RGS2: variants seen among roughly 807,000 people sequenced by gnomAD.
The protein encoded by RGS2 is G0 to G1 switch regulatory 8, 24kD.
In RGS2, 20 loss-of-function variants were observed where a neutral mutation model predicts 26.6. The ratio of observed to expected loss-of-function variants is 0.75; its 90% CI spans 0.53 to 1.09. The LOEUF is 1.09. Ranked by LOEUF, RGS2 falls within the 50% of genes least tolerant of loss-of-function variation. The probability of loss-of-function intolerance (pLI) is 0.00; values close to 1 mark genes in which losing one functional copy is unlikely to be tolerated. For synonymous variants in RGS2, 97 were observed against 79.9 expected, an observed-to-expected ratio of 1.21 and a Z score of -1.14; for missense variants, 246 against 245.5, an observed-to-expected ratio of 1.00 and a Z score of -0.01.
chr1:192,810,303 G>A, intron 2 of RGS2, 36 bp downstream of exon 2: 1 of 1,604,620 alleles, frequency 6.2e-7, no homozygotes, highest in African/African-American at 1.3e-5. Context: ...AATATCAATA[G>A]TTAGCTGCTG....
At position 192,811,382 on chromosome 1, in the gene RGS2, A is replaced by G. The variant is rs758534414; in HGVS notation, c.442-20A>G. ...TTTAACTCTGAATACCAAATAAACA[A>G]CTTTTTTGTTTTATTTCAGATAAAC... is the stretch of plus-strand genomic sequence containing the variant. On this transcript the variant is annotated intron_variant, in intron 4 of 4. Transcript: ENST00000235382. 1.3e-6 allele frequency: 2 copies of G among 1,588,068 alleles called. No individual in the cohort carries two copies. Among genetic ancestry groups the G allele is most frequent in the Non-Finnish European group, 1.7e-6 (2 of 1,158,584 alleles).
At chr1:192,809,242 CG>C (rs1350551339) in intron 1 of RGS2, 61 bp downstream of exon 1, 1 of 1,207,844 alleles carries the variant, frequency 8.3e-7, no homozygotes, top group Non-Finnish European at 1.2e-6. Context: ...GCTGCAAACG[CG>C]GTACTTTCGG....
At position 192,811,383 on chromosome 1, in the gene RGS2, CT is replaced by C; in HGVS notation, c.442-13del. The C allele has an allele frequency of 6.3e-7, 1 of 1,590,146 alleles. No individual in the cohort carries two copies. Among genetic ancestry groups the C allele is most frequent in the Non-Finnish European group, 8.6e-7 (1 of 1,160,444 alleles). On this transcript the variant is annotated intron_variant, in intron 4 of 4. Transcript: ENST00000235382. ...TTAACTCTGAATACCAAATAAACAA[CT>C]TTTTTGTTTTATTTCAGATAAACAT... is the stretch of plus-strand genomic sequence containing the variant.
chr1:192,811,676 G>T lies in RGS2; in HGVS notation c.*80G>T. On this transcript the variant is annotated 3_prime_UTR_variant, in exon 5 of 5. Transcript: ENST00000235382. The stretch of plus-strand genomic sequence containing the variant: ...AGGACTGTGACCTGCCATAAAGACT[G>T]ACCTTGAATTCAGCCTGGGTGTTCA... 1 of 1,346,442 alleles carries T rather than the reference G, an allele frequency of 7.4e-7. No individual in the cohort carries two copies. The highest frequency in any genetic ancestry group is 1.2e-5 in the South Asian group (1 of 85,302). 83.4% of individuals were successfully genotyped at this position (1,346,442 alleles called of 1,614,324 possible). A position where few individuals can be genotyped will look rare whatever the true frequency, so the allele number is the denominator to read the frequency against.
chr1:192,810,910 G>C (rs1484454560), intron 3 of RGS2, 71 bp from the exon 4 acceptor site: 1 of 1,398,292 alleles, frequency 7.2e-7, no homozygotes, highest in African/African-American at 1.4e-5. Flanking sequence ...TGAGGGATAG[G>C]AGAAACATAA....
rs775439827 is a variant in RGS2 at position 192,810,238 on chromosome 1, C to CA, written c.190dup (p.Ser64LysfsTer12). On this transcript the variant is annotated frameshift_variant, in exon 2 of 5. Transcript: ENST00000235382. LOFTEE classifies it high-confidence loss of function. ...CTACTCCTGGGAAGCCCAAAACCGG[C>CA]AAAAAAAGCAAACAGCAAGCTTTCA... 4.2e-5 allele frequency: 67 copies of CA among 1,613,552 alleles called. No homozygotes were observed. The highest frequency in any genetic ancestry group is 6.7e-5 in the East Asian group (3 of 44,898).
intron 4 of RGS2, 127 bp downstream of exon 4, chr1:192,811,274 T>C (rs1271410062): frequency 5.3e-6 from 7 of 1,322,842 alleles, no homozygotes; most frequent in African/African-American, 2.9e-5. Flanking sequence ...CTTTCAGTTA[T>C]GTTAAAGTTC....
At chr1:192,809,219 C>T (rs377647978) in intron 1 of RGS2, 38 bp downstream of exon 1, 2 of 1,392,036 alleles carry the variant, frequency 1.4e-6, no homozygotes, top group Non-Finnish European at 2.0e-6. Flanking sequence ...CCACCCCCTG[C>T]CCCACACTGC....
rs1665594773 is a variant in RGS2 at position 192,811,645 on chromosome 1, A to AG, written c.*53dup. On this transcript the variant is annotated 3_prime_UTR_variant, in exon 5 of 5. Transcript: ENST00000235382. ...GGAGGACATTTCATTCTTTTTCCTG[A>AG]GGGGAAGGACTGTGACCTGCCATAA... is the stretch of plus-strand genomic sequence containing the variant. The AG allele has an allele frequency of 6.4e-7, 1 of 1,560,246 alleles. No individual in the cohort carries two copies. Among genetic ancestry groups the AG allele is most frequent in the African/African-American group, 1.4e-5 (1 of 73,826 alleles).
chr1:192,810,886 A>G (rs45577832), intron 3 of RGS2, 95 bp from the exon 4 acceptor site: 15 of 1,327,126 alleles, frequency 1.1e-5, no homozygotes, highest in Non-Finnish European at 1.4e-5. Flanking sequence ...ATTCATTTAG[A>G]AATAATTAAA....
chr1:192,811,680 T>A lies in RGS2; in HGVS notation c.*84T>A. On this transcript the variant is annotated 3_prime_UTR_variant, in exon 5 of 5. Coordinates refer to ENST00000235382, the MANE Select transcript of RGS2 (RefSeq NM_002923.4). ...CTGTGACCTGCCATAAAGACTGACC[T>A]TGAATTCAGCCTGGGTGTTCAGGAA... is the stretch of plus-strand genomic sequence containing the variant. 1 of 1,305,856 alleles carries A rather than the reference T, an allele frequency of 7.7e-7. No homozygotes were observed. Among genetic ancestry groups the A allele is most frequent in the Non-Finnish European group, 1.1e-6 (1 of 899,344 alleles). The allele number at this position is 1,305,856 out of a possible 1,614,324, so 80.9% of individuals were successfully genotyped here.
Position 192,811,602 on chromosome 1 carries a change from A to G in RGS2, c.*6A>G, listed in dbSNP as rs763371548. 1.2e-6 allele frequency: 2 copies of G among 1,612,778 alleles called. No individual in the cohort carries two copies. The highest frequency in any genetic ancestry group is 2.2e-5 in the South Asian group (2 of 91,028). On this transcript the variant is annotated 3_prime_UTR_variant, in exon 5 of 5. Coordinates refer to ENST00000235382, the MANE Select transcript of RGS2 (RefSeq NM_002923.4). ...CAGAGCCTCATGCTACATGAAATGTAAAAGGGAGCCCAGAAATGGAGGACA... is the reference window on the plus strand; with the variant it reads ...CAGAGCCTCATGCTACATGAAATGTGAAAGGGAGCCCAGAAATGGAGGACA...
chr1:192,810,393 T>G lies in RGS2; in HGVS notation c.236T>G (p.Leu79Arg), dbSNP rs756711570. ...FIKPSPEEAQ[L>R]WSEAFDELLA... ...AGGCCTTCTCCTGAGGAAGCACAGC[T>G]GTGGTCAGAAGCATTTGACGAGCTG... The change falls in exon 3 of 5, where the codon CTG (leucine) becomes CGG (arginine). Residue 79 changes from leucine (L) to arginine (R), a missense_variant. By Grantham distance (102) the Leu-to-Arg change is moderately radical (BLOSUM62 -2). Transcript: ENST00000235382. The G allele has an allele frequency of 1.9e-6, 3 of 1,614,222 alleles. No homozygotes were observed. Among genetic ancestry groups the G allele is most frequent in the Non-Finnish European group, 2.5e-6 (3 of 1,180,046 alleles).
Position 192,810,971 on chromosome 1 carries a change from C to T in RGS2, c.275-10C>T, listed in dbSNP as rs1300615732. ...CACATTCTGCATGCTCTCTTTTCTCCCCCCTTCAGATGGTCTTGCTGCATT... is the reference window on the plus strand; with the variant it reads ...CACATTCTGCATGCTCTCTTTTCTCTCCCCTTCAGATGGTCTTGCTGCATT... On this transcript the variant is annotated splice_polypyrimidine_tract_variant and intron_variant, in intron 3 of 4. Coordinates refer to ENST00000235382, the MANE Select transcript of RGS2 (RefSeq NM_002923.4). 5 of 1,613,188 alleles carry T rather than the reference C, an allele frequency of 3.1e-6. No homozygotes were observed. Among genetic ancestry groups the T allele is most frequent in the Admixed American group, 3.3e-5 (2 of 59,990 alleles).
chr1:192,810,129 G>C lies in RGS2; in HGVS notation c.111-37G>C, dbSNP rs202013918. The C allele has an allele frequency of 3.1e-6, 4 of 1,287,650 alleles. No individual in the cohort carries two copies. In the East Asian group the frequency reaches 9.3e-5, roughly 30 times the overall value. 79.8% of individuals were successfully genotyped at this position (1,287,650 alleles called of 1,614,324 possible). A position where few individuals can be genotyped will look rare whatever the true frequency, so the allele number is the denominator to read the frequency against. Reference sequence around the variant, plus strand: ...AGCTGCAGTAGCATATTCAAGTGTTGCTAGTTAGTAATTATCTTTTTAATT... The same window carrying C: ...AGCTGCAGTAGCATATTCAAGTGTTCCTAGTTAGTAATTATCTTTTTAATT... On this transcript the variant is annotated intron_variant, in intron 1 of 4. Coordinates refer to ENST00000235382, the MANE Select transcript of RGS2 (RefSeq NM_002923.4).
intron 3 of RGS2, 21 bp downstream of exon 3, chr1:192,810,452 G>C: frequency 6.2e-7 from 1 of 1,611,426 alleles, no homozygotes. Context: ...TCTTGAGCTT[G>C]AGCCATTGCT....
intron 1 of RGS2, 100 bp downstream of exon 1, chr1:192,809,281 C>A: frequency 2.3e-6 from 2 of 870,128 alleles, no homozygotes; most frequent in Admixed American, 3.6e-5. Flanking sequence ...GGAAACTAGC[C>A]TGAGCCTATG....
chr1:192,811,411 G>A lies in RGS2; in HGVS notation c.451G>A (p.Asp151Asn). Residue 151 changes from aspartate to asparagine, a missense_variant, in exon 5 of 5, where the codon GAT (aspartate) becomes AAT (asparagine). By Grantham distance (23) the Asp-to-Asn change is conservative. Transcript: ENST00000235382. ...TTTTGTTTTATTTCAGATAAACATA[G>A]ATTTTCAAACCAAAACTCTGATTGC... Reference protein sequence around the residue: ...EKEAPKEINIDFQTKTLIAQN... With the variant: ...EKEAPKEININFQTKTLIAQN... 6.2e-7 allele frequency: 1 copy of A among 1,612,506 alleles called. No individual in the cohort carries two copies. Among genetic ancestry groups the A allele is most frequent in the Non-Finnish European group, 8.5e-7 (1 of 1,179,088 alleles).
At position 192,811,014 on chromosome 1, in the gene RGS2, C is replaced by G. The variant is rs773290344; in HGVS notation, c.308C>G (p.Ser103Trp). ...GLAAFRAFLK[S>W]EFCEENIEFW... ...GCTGCATTCAGGGCTTTTTTAAAGT[C>G]GGAATTCTGTGAAGAAAATATTGAA... is the stretch of plus-strand genomic sequence containing the variant. The change falls in exon 4 of 5, where the codon TCG becomes TGG. Residue 103 changes from serine (S) to tryptophan (W), a missense_variant. By Grantham distance (177) the Ser-to-Trp change is radical (BLOSUM62 -3). Transcript: ENST00000235382. The G allele has an allele frequency of 6.2e-7, 1 of 1,613,974 alleles. No individual in the cohort carries two copies. The highest frequency in any genetic ancestry group is 8.5e-7 in the Non-Finnish European group (1 of 1,179,974).
Sources: gnomAD v4.1 joint callset for allele counts on GRCh38, gnomAD v4.1.1 for gene constraint, MANE v1.5 for transcripts, NCBI Gene and HGNC (gene_info 2026-07-23, HGNC 2026-07-21) for gene names.